The following PCDHA4 variants were observed in gnomAD, a reference collection of about 807,000 sequenced individuals.
The protein encoded by PCDHA4 is protocadherin alpha-4.
In PCDHA4, 49 loss-of-function variants were observed where a neutral mutation model predicts 61.4. The observed-to-expected ratio is 0.80, with a 90% CI of 0.63 to 1.01. The LOEUF is 1.01. Among genes scored for constraint, PCDHA4 ranks in the 50% least tolerant of loss-of-function variants. PCDHA4 has a pLI of 0.00. For missense variants in PCDHA4, 1,254 were observed against 1,235.8 expected, an observed-to-expected ratio of 1.01 and a Z score of -0.22; for synonymous variants, 590 against 550.3, an observed-to-expected ratio of 1.07 and a Z score of -1.01.
chr5:140,851,022 T>C, intron 1 of PCDHA4: 1 of 1,428,366 alleles, frequency 7.0e-7, no homozygotes, highest in Non-Finnish European at 9.2e-7. Context: ...TCTGATAAAG[T>C]AAACCCCTTA....
chr5:140,962,339 G>A (rs1454430913), intron 1 of PCDHA4, among the ~76,000 whole-genome samples: 1 of 152,152 alleles, frequency 6.6e-6, no homozygotes, highest in Non-Finnish European at 1.5e-5. Flanking sequence ...TGATAAAGAA[G>A]TAAAACTCCC....
At chr5:140,836,844 T>C (rs2150270736) in intron 1 of PCDHA4, 26 of 827,138 alleles carry the variant, frequency 3.1e-5, no homozygotes, top group African/African-American at 6.9e-5. Flanking sequence ...GCTTTATGTA[T>C]AATTATTATT....
At chr5:140,926,183 C>A (rs1287609954) in intron 1 of PCDHA4, among the ~76,000 whole-genome samples, 2 of 151,712 alleles carry the variant, frequency 1.3e-5, no homozygotes, top group African/African-American at 4.8e-5. Context: ...GGAAAGCCCC[C>A]CGCAGCACTT....
intron 1 of PCDHA4, chr5:140,926,711 C>T: frequency 1.1e-6 from 1 of 925,094 alleles, no homozygotes; most frequent in Non-Finnish European, 1.5e-6. Context: ...AGCTGGCCAG[C>T]CCCGGCAATG....
chr5:140,989,948 C>T (rs1046056940), intron 3 of PCDHA4, among the ~76,000 whole-genome samples: 2 of 151,988 alleles, frequency 1.3e-5, no homozygotes, highest in Admixed American at 6.6e-5. Context: ...ACGTTTTTCT[C>T]GGTGAGACCA....
At chr5:140,984,405 C>T (rs782109046) in intron 3 of PCDHA4, among the ~76,000 whole-genome samples, 1 of 152,114 alleles carries the variant, frequency 6.6e-6, no homozygotes, top group Non-Finnish European at 1.5e-5. Context: ...GAGAACCTAT[C>T]TTTTTTACAG....
chr5:140,927,071 G>A lies in PCDHA4; in HGVS notation c.2386-51878G>A. 3 of 1,611,088 alleles carry A rather than the reference G, an allele frequency of 1.9e-6. No homozygotes were observed. The highest frequency in any genetic ancestry group is 2.5e-6 in the Non-Finnish European group (3 of 1,177,862). On this transcript the variant is annotated intron_variant, in intron 1 of 3. Transcript: ENST00000530339. ...TCGCGGAACTTTCGCTTCCTTTCCAGCCACCGCGAGCTCTACTTCGGGGTG... is the reference window on the plus strand; with the variant it reads ...TCGCGGAACTTTCGCTTCCTTTCCAACCACCGCGAGCTCTACTTCGGGGTG...
At chr5:140,948,823 A>G (rs1554218722) in intron 1 of PCDHA4, among the ~76,000 whole-genome samples, 2 of 151,238 alleles carry the variant, frequency 1.3e-5, no homozygotes, top group African/African-American at 4.8e-5. Flanking sequence ...TATTTCATTA[A>G]TTTCTGCTTT....
chr5:140,835,627 G>A, intron 1 of PCDHA4: 1 of 1,613,916 alleles, frequency 6.2e-7, no homozygotes, highest in Non-Finnish European at 8.5e-7. Flanking sequence ...GCTCTGGACC[G>A]CGAGAGTGTG....
chr5:140,879,564 A>G (rs1232052888), intron 1 of PCDHA4, among the ~76,000 whole-genome samples: 2 of 152,254 alleles, frequency 1.3e-5, no homozygotes, highest in Non-Finnish European at 1.5e-5. Context: ...CCATGAAAGA[A>G]TAAAATTGCC....
chr5:140,912,851 A>C lies in PCDHA4; in HGVS notation c.2386-66098A>C, dbSNP rs564747882. ...TTTTATTAAATGCTTTTTCAGCATCAATTGAAATGATATATGGTTTTTGGT... is the reference window on the plus strand; with the variant it reads ...TTTTATTAAATGCTTTTTCAGCATCCATTGAAATGATATATGGTTTTTGGT... On this transcript the variant is annotated intron_variant, in intron 1 of 3. Coordinates refer to ENST00000530339, the MANE Select transcript of PCDHA4 (RefSeq NM_018907.4). Among the ~76,000 whole-genome samples, 3 of 152,328 alleles carry C rather than the reference A, an allele frequency of 2.0e-5. No individual in the cohort carries two copies. The South Asian group carries it at 6.2e-4, about 32-fold the overall frequency.
At chr5:140,838,173 G>C (rs1033489567) in intron 1 of PCDHA4, among the ~76,000 whole-genome samples, 2 of 149,160 alleles carry the variant, frequency 1.3e-5, no homozygotes, top group Non-Finnish European at 3.0e-5. Flanking sequence ...GAGTGCAGTG[G>C]TGCAATCTCA....
intron 1 of PCDHA4, among the ~76,000 whole-genome samples, chr5:140,905,575 G>A (rs1233481804): frequency 6.6e-6 from 1 of 152,138 alleles, no homozygotes; most frequent in Non-Finnish European, 1.5e-5. Flanking sequence ...TGTGAAGAAT[G>A]ATAATGATAT....
At chr5:140,915,469 A>G (rs2077137068) in intron 1 of PCDHA4, among the ~76,000 whole-genome samples, 1 of 152,034 alleles carries the variant, frequency 6.6e-6, no homozygotes, top group Admixed American at 6.6e-5. Context: ...TTTTTATTTG[A>G]AGGAGCTTGG....
intron 1 of PCDHA4, chr5:140,856,358 C>T: frequency 6.3e-7 from 1 of 1,598,606 alleles, no homozygotes; most frequent in African/African-American, 1.3e-5. Context: ...GTGCAGCATC[C>T]ACCTGGAGGT....
At chr5:140,828,774 T>G (rs2150158749) in intron 1 of PCDHA4, 1 of 1,614,198 alleles carries the variant, frequency 6.2e-7, no homozygotes, top group Admixed American at 1.7e-5. Context: ...ACTGTTCAGC[T>G]GCTGGTCACA....
chr5:140,904,742 T>G (rs1300439121), intron 1 of PCDHA4, among the ~76,000 whole-genome samples: 1 of 152,216 alleles, frequency 6.6e-6, no homozygotes, highest in African/African-American at 2.4e-5. Context: ...TTTTTTATTA[T>G]GACCATTTTT....
intron 1 of PCDHA4, chr5:140,850,590 TA>T: frequency 6.3e-7 from 1 of 1,598,434 alleles, no homozygotes; most frequent in Non-Finnish European, 8.6e-7. Flanking sequence ...TGTCAACGTG[TA>T]CCTGATCATC....
rs2044015236 is a variant in PCDHA4, at chr5:140,856,467, C to T, written c.2385+46895C>T. On this transcript the variant is annotated intron_variant, in intron 1 of 3. Coordinates refer to ENST00000530339, the MANE Select transcript of PCDHA4 (RefSeq NM_018907.4). ...TTCTCCGTAACAGAACAAAAGCTCTCAATACCTGAATCCAGACTGCTTGAC... is the reference window on the plus strand; with the variant it reads ...TTCTCCGTAACAGAACAAAAGCTCTTAATACCTGAATCCAGACTGCTTGAC... 5 of 1,598,208 alleles carry T rather than the reference C, an allele frequency of 3.1e-6. 1 individual carries two copies. Among genetic ancestry groups the T allele is most frequent in the Non-Finnish European group, 4.3e-6 (5 of 1,167,910 alleles).
Sources: gnomAD v4.1 joint callset for allele counts (sites outside exome capture counted in the v4.1 genomes callset) on GRCh38, gnomAD v4.1.1 for gene constraint, MANE v1.5 for transcripts, NCBI Gene and HGNC (gene_info 2026-07-23, HGNC 2026-07-21) for gene names.